The following DMXL1 variants were observed in gnomAD, a reference collection of about 807,000 sequenced individuals.
DMXL1 encodes the protein dmX-like protein 1.
Under a neutral mutation model 319.2 loss-of-function variants are expected in DMXL1, and 99 were observed. The observed-to-expected ratio is 0.31, with a 90% CI of 0.26 to 0.37. The LOEUF (loss-of-function observed/expected upper bound fraction) is 0.37. DMXL1 is among the 10% of genes least tolerant of loss of function. The pLI, the probability that DMXL1 is intolerant of heterozygous loss-of-function variation, is 1.00. For synonymous variants in DMXL1, 1,385 were observed against 1,235.2 expected (o/e 1.12, Z -2.54); for missense variants, 3,745 against 3,595.6 (o/e 1.04, Z -1.06).
intron 3 of DMXL1, chr5:119,104,007 G>C (rs1256216776): frequency 1.3e-5 from 2 of 152,166 alleles, no homozygotes; most frequent in Non-Finnish European, 2.9e-5. Context: ...GGCAAAAGTG[G>C]ATCAAATGGT....
chr5:119,095,115 A>G lies in DMXL1; in HGVS notation c.88-2864A>G, dbSNP rs145542357. On this transcript the variant is annotated intron_variant, in intron 1 of 43. Transcript: ENST00000539542. ...AGCGACTCACCTGTCTTGGCCTCCCAAGGTTCTGGGATTACAGATGTGAGC... is the reference window on the plus strand; with the variant it reads ...AGCGACTCACCTGTCTTGGCCTCCCGAGGTTCTGGGATTACAGATGTGAGC... Among the ~76,000 whole-genome samples, 875 of 152,288 alleles carry G rather than the reference A, an allele frequency of 5.7e-3. 9 individuals carry two copies. The highest frequency in any genetic ancestry group is 0.02 in the African/African-American group (832 of 41,558).
intron 28 of DMXL1, among the ~76,000 whole-genome samples, chr5:119,181,728 C>T (rs555950237): frequency 6.6e-6 from 1 of 152,248 alleles, no homozygotes; most frequent in South Asian, 2.1e-4. Context: ...AGGAGAATCG[C>T]TTGAACCTGG....
In DMXL1 at chr5:119,133,916, A is replaced by AGATGTT; in HGVS notation, c.1996_2001dup (p.Val666_Asp667dup). On this transcript the variant is annotated inframe_insertion, in exon 12 of 44. Transcript: ENST00000539542. ...CACACCATAATGCATTAAGGACACC[A>AGATGTT]GATGTTGATAACCCAGAGCAACCTT... 1 of 1,614,202 alleles carries AGATGTT rather than the reference A, an allele frequency of 6.2e-7. No individual in the cohort carries two copies. The highest frequency in any genetic ancestry group is 1.3e-5 in the African/African-American group (1 of 75,062).
In DMXL1 at chr5:119,165,285, G is replaced by GT. The variant is rs1475857326; in HGVS notation, c.4970+6dup. On this transcript the variant is annotated splice_donor_region_variant and intron_variant, in intron 21 of 43. Transcript: ENST00000539542. Reference sequence around the variant, plus strand: ...TGTGATTTGGGGATTATATAGGTAGGTAAAAAAAAAAAAAAAAAAGGGTGC... The same window carrying GT: ...TGTGATTTGGGGATTATATAGGTAGGTTAAAAAAAAAAAAAAAAAAGGGTGC... 1.7e-6 allele frequency: 2 copies of GT among 1,188,052 alleles called. No individual in the cohort carries two copies. The highest frequency in any genetic ancestry group is 1.2e-6 in the Non-Finnish European group (1 of 857,584). The allele number at this position is 1,188,052 out of a possible 1,614,324, so 73.6% of individuals were successfully genotyped here. A position where few individuals can be genotyped will look rare whatever the true frequency, so the allele number is the denominator to read the frequency against.
At chr5:119,107,106 T>C (rs1222990372) in intron 4 of DMXL1, among the ~76,000 whole-genome samples, 1 of 151,816 alleles carries the variant, frequency 6.6e-6, no homozygotes, top group Admixed American at 6.6e-5. Flanking sequence ...GGAGGCTGAG[T>C]GGGGAGAATT....
At chr5:119,127,681 T>C (rs1411619170) in intron 9 of DMXL1, 1 of 182,106 alleles carries the variant, frequency 5.5e-6, no homozygotes, top group Non-Finnish European at 1.1e-5. Context: ...TCAAGTGATT[T>C]GCCTGCTCTG....
chr5:119,172,055 T>C (rs1774680717), intron 25 of DMXL1, 86 bp downstream of exon 25: 3 of 1,250,768 alleles, frequency 2.4e-6, no homozygotes, highest in Non-Finnish European at 3.3e-6. Flanking sequence ...TTTAAGTAAT[T>C]TTAAACATCA....
At chr5:119,144,338 G>T (rs1397027171) in intron 14 of DMXL1, among the ~76,000 whole-genome samples, 198 bp from the exon 15 acceptor site, 1 of 151,750 alleles carries the variant, frequency 6.6e-6, no homozygotes. Context: ...TCATTGTAAT[G>T]AAAGCAAATC....
chr5:119,222,039 T>G (rs1784733882), intron 37 of DMXL1, among the ~76,000 whole-genome samples: 1 of 151,976 alleles, frequency 6.6e-6, no homozygotes, highest in Non-Finnish European at 1.5e-5. Context: ...AATGCTTTCC[T>G]TGGCCAAAAA....
At chr5:119,155,826 C>CAAAAAAAA (rs35851317) in intron 19 of DMXL1, among the ~76,000 whole-genome samples, 9 of 84,836 alleles carry the variant, frequency 1.1e-4, no homozygotes, top group Non-Finnish European at 1.3e-4. Flanking sequence ...GACCCTGTCT[C>CAAAAAAAA]AAAAAAAAAA....
chr5:119,208,829 C>A (rs1782229694), intron 34 of DMXL1, among the ~76,000 whole-genome samples: 1 of 152,132 alleles, frequency 6.6e-6, no homozygotes, highest in Non-Finnish European at 1.5e-5. Context: ...CCATCAGTCC[C>A]CAGAATTTAA....
chr5:119,143,734 C>A, intron 13 of DMXL1, 107 bp from the exon 14 acceptor site: 1 of 638,224 alleles, frequency 1.6e-6, no homozygotes, highest in South Asian at 2.7e-5. Flanking sequence ...ATATTTAGGC[C>A]CACTTGAATT....
intron 25 of DMXL1, among the ~76,000 whole-genome samples, chr5:119,173,708 A>ATATG (rs1561794856): frequency 8.1e-6 from 1 of 123,262 alleles, no homozygotes; most frequent in Non-Finnish European, 1.7e-5. Context: ...GTATATATAT[A>ATATG]TGTGTGTGTG....
At chr5:119,209,687 AT>A (rs1469115332) in intron 34 of DMXL1, among the ~76,000 whole-genome samples, 1 of 151,954 alleles carries the variant, frequency 6.6e-6, no homozygotes, top group Non-Finnish European at 1.5e-5. Flanking sequence ...TGTAGTCTAT[AT>A]TTTCATTTTA....
chr5:119,184,907 C>T (rs1035205318), intron 28 of DMXL1, among the ~76,000 whole-genome samples: 24 of 152,034 alleles, frequency 1.6e-4, no homozygotes, highest in Admixed American at 1.4e-3. Context: ...TATACAGAAC[C>T]GTGTTGTGGC....
intron 32 of DMXL1, among the ~76,000 whole-genome samples, chr5:119,202,606 C>T (rs1780902502): frequency 6.6e-6 from 1 of 151,964 alleles, no homozygotes; most frequent in African/African-American, 2.4e-5. Flanking sequence ...AATGCCAGCA[C>T]TTTGGAAGGC....
chr5:119,124,298 G>T (rs1762988820), intron 9 of DMXL1, among the ~76,000 whole-genome samples: 1 of 149,148 alleles, frequency 6.7e-6, no homozygotes, highest in Non-Finnish European at 1.5e-5. Flanking sequence ...TTCCTGGGTG[G>T]CAGAGCGAGA....
chr5:119,225,282 G>C (rs1282977206), intron 38 of DMXL1, among the ~76,000 whole-genome samples: 1 of 151,708 alleles, frequency 6.6e-6, no homozygotes, highest in Non-Finnish European at 1.5e-5. Flanking sequence ...ATTATTATTA[G>C]TTTTTATATT....
chr5:119,109,430 C>T (rs762449061), intron 4 of DMXL1, among the ~76,000 whole-genome samples: 1 of 152,122 alleles, frequency 6.6e-6, no homozygotes, highest in Non-Finnish European at 1.5e-5. Context: ...CCCCCACAAT[C>T]CCCCACTGCC....
Sources: gnomAD v4.1 joint callset for allele counts (sites outside exome capture counted in the v4.1 genomes callset) on GRCh38, gnomAD v4.1.1 for gene constraint, MANE v1.5 for transcripts, NCBI Gene and HGNC (gene_info 2026-07-23, HGNC 2026-07-21) for gene names.